RAVER2: variants seen among roughly 807,000 people sequenced by gnomAD.
RAVER2 encodes ribonucleoprotein PTB-binding 2.
RAVER2 carries 46 observed loss-of-function variants against 78.1 expected under a neutral mutation model. That is an observed-to-expected ratio of 0.59 (90% CI 0.46 to 0.75). RAVER2 has a LOEUF of 0.75. RAVER2 is among the 30% of genes least tolerant of loss of function. The probability of loss-of-function intolerance (pLI) is 0.00; values close to 1 mark genes in which losing one functional copy is unlikely to be tolerated. For synonymous variants in RAVER2, 311 were observed against 313.3 expected (o/e 0.99, Z 0.08); for missense variants, 793 against 837.5 (o/e 0.95, Z 0.66).
intron 1 of RAVER2, among the ~76,000 whole-genome samples, chr1:64,758,914 T>TTATAAA (rs1651931106): frequency 6.6e-6 from 1 of 151,750 alleles, no homozygotes; most frequent in Non-Finnish European, 1.5e-5. Context: ...TATTTAATAT[T>TTATAAA]TACATATTAA....
At chr1:64,806,418 C>CA (rs1452973921) in intron 8 of RAVER2, among the ~76,000 whole-genome samples, 4 of 152,044 alleles carry the variant, frequency 2.6e-5, no homozygotes, top group Admixed American at 2.6e-4. Context: ...ACTCAAAAAA[C>CA]AAACAAAAAA....
At chr1:64,752,849 G>A (rs188377657) in intron 1 of RAVER2, among the ~76,000 whole-genome samples, 1 of 152,224 alleles carries the variant, frequency 6.6e-6, no homozygotes, top group Non-Finnish European at 1.5e-5. Context: ...TCTCTCTGCT[G>A]GATATGAATG....
intron 3 of RAVER2, 89 bp downstream of exon 3, chr1:64,778,181 GTGATTA>G: frequency 1.0e-6 from 1 of 967,816 alleles, no homozygotes; most frequent in South Asian, 1.9e-5. Context: ...TCATACCTGT[GTGATTA>G]ACACAATGGA....
chr1:64,768,608 G>A, intron 1 of RAVER2, 48 bp from the exon 2 acceptor site: 1 of 1,179,988 alleles, frequency 8.5e-7, no homozygotes, highest in Non-Finnish European at 1.3e-6. Flanking sequence ...AGATTATCTA[G>A]TAACTGCATT....
chr1:64,761,446 AG>A (rs1652018975), intron 1 of RAVER2, among the ~76,000 whole-genome samples: 1 of 152,190 alleles, frequency 6.6e-6, no homozygotes, highest in African/African-American at 2.4e-5. Context: ...AAGAGTTTGG[AG>A]ATTAACTATC....
chr1:64,825,428 G>C (rs1653985461), intron 11 of RAVER2, among the ~76,000 whole-genome samples: 1 of 152,166 alleles, frequency 6.6e-6, no homozygotes, highest in Non-Finnish European at 1.5e-5. Flanking sequence ...AGACTGAGGA[G>C]TCCTTGAGGC....
intron 5 of RAVER2, among the ~76,000 whole-genome samples, chr1:64,799,331 G>A (rs1031295761): frequency 6.6e-6 from 1 of 152,106 alleles, no homozygotes; most frequent in Non-Finnish European, 1.5e-5. Flanking sequence ...ATCTGTTGGT[G>A]GACACTTAGT....
intron 5 of RAVER2, among the ~76,000 whole-genome samples, chr1:64,798,650 A>G (rs983161382): frequency 6.6e-6 from 1 of 152,176 alleles, no homozygotes; most frequent in African/African-American, 2.4e-5. Context: ...TAATACATCT[A>G]GGGCTTTGTA....
chr1:64,779,759 T>G (rs577209119), intron 3 of RAVER2, among the ~76,000 whole-genome samples: 4 of 151,858 alleles, frequency 2.6e-5, no homozygotes, highest in African/African-American at 9.7e-5. Context: ...CCATTTATCA[T>G]AAATTGTATT....
chr1:64,758,699 G>T (rs575622847), intron 1 of RAVER2, among the ~76,000 whole-genome samples: 13 of 152,206 alleles, frequency 8.5e-5, no homozygotes, highest in African/African-American at 3.1e-4. Flanking sequence ...CTCCATATAA[G>T]AGCCTAGCTT....
intron 1 of RAVER2, among the ~76,000 whole-genome samples, chr1:64,752,566 C>G (rs760666312): frequency 3.9e-5 from 6 of 152,106 alleles, no homozygotes; most frequent in Non-Finnish European, 8.8e-5. Context: ...CTTGCCTGTC[C>G]TAATTACACC....
chr1:64,750,616 G>A (rs1294411210), intron 1 of RAVER2, among the ~76,000 whole-genome samples: 1 of 151,926 alleles, frequency 6.6e-6, no homozygotes, highest in Non-Finnish European at 1.5e-5. Flanking sequence ...CTTTAACTGT[G>A]GGATTTAAAA....
At chr1:64,755,052 A>G (rs1430355311) in intron 1 of RAVER2, among the ~76,000 whole-genome samples, 2 of 152,360 alleles carry the variant, frequency 1.3e-5, no homozygotes, top group African/African-American at 2.4e-5. Flanking sequence ...CCCAGAGTGG[A>G]TGCTCAACAA....
intron 1 of RAVER2, among the ~76,000 whole-genome samples, chr1:64,752,419 A>T (rs191033775): frequency 4.6e-5 from 7 of 152,252 alleles, no homozygotes; most frequent in Non-Finnish European, 8.8e-5. Context: ...GGAGTACAGG[A>T]ATGTTGCTAG....
intron 9 of RAVER2, among the ~76,000 whole-genome samples, chr1:64,808,456 C>CTTTTTTTTTTT (rs71584460): frequency 9.7e-6 from 1 of 103,162 alleles, no homozygotes; most frequent in Non-Finnish European, 1.9e-5. Flanking sequence ...TAATGCAGTC[C>CTTTTTTTTTTT]TTTTTTTTTT....
At chr1:64,774,891 C>T (rs1038313991) in intron 2 of RAVER2, among the ~76,000 whole-genome samples, 3 of 152,172 alleles carry the variant, frequency 2.0e-5, no homozygotes, top group East Asian at 3.9e-4. Flanking sequence ...GGGTCCTTCA[C>T]ATCCCTTGTA....
intron 4 of RAVER2, among the ~76,000 whole-genome samples, chr1:64,788,249 G>A (rs1440085173): frequency 2.0e-5 from 3 of 151,964 alleles, no homozygotes; most frequent in Non-Finnish European, 4.4e-5. Flanking sequence ...GAGGTGGGTG[G>A]ATCACGAGGT....
At chr1:64,776,791 G>C (rs1375882425) in intron 2 of RAVER2, among the ~76,000 whole-genome samples, 1 of 151,874 alleles carries the variant, frequency 6.6e-6, no homozygotes, top group African/African-American at 2.4e-5. Flanking sequence ...AAATTGATAT[G>C]GTTAAAATGT....
intron 1 of RAVER2, among the ~76,000 whole-genome samples, chr1:64,764,764 G>T (rs1039402759): frequency 3.3e-5 from 5 of 152,220 alleles, no homozygotes; most frequent in Non-Finnish European, 5.9e-5. Flanking sequence ...AACTCAGGCA[G>T]CTGTTAATGC....
Sources: allele counts gnomAD v4.1 joint callset (sites outside exome capture counted in the v4.1 genomes callset), GRCh38; gene constraint gnomAD v4.1.1; transcripts MANE v1.5; gene names NCBI Gene and HGNC (gene_info 2026-07-23, HGNC 2026-07-21).